PPP1R9A: variants seen among roughly 807,000 people sequenced by gnomAD.
The protein encoded by PPP1R9A is protein phosphatase 1 regulatory subunit 9A.
A neutral mutation model predicts 141.9 loss-of-function variants in PPP1R9A; 59 were observed. The ratio of observed to expected loss-of-function variants is 0.42; its 90% CI spans 0.34 to 0.52. The LOEUF (loss-of-function observed/expected upper bound fraction) is 0.52. Among genes scored for constraint, PPP1R9A ranks in the 20% least tolerant of loss-of-function variants. PPP1R9A has a pLI of 0.10. For missense variants in PPP1R9A, 1,444 were observed against 1,611.9 expected, an observed-to-expected ratio of 0.90 and a Z score of 1.78; for synonymous variants, 500 against 569.7, an observed-to-expected ratio of 0.88 and a Z score of 1.74.
In PPP1R9A at chr7:95,219,962, A is replaced by G. The variant is rs184352673; in HGVS notation, c.1957-5999A>G. Among the ~76,000 whole-genome samples, 5 of 152,266 alleles carry G rather than the reference A, an allele frequency of 3.3e-5. No individual in the cohort carries two copies. In the East Asian group the frequency reaches 9.7e-4, roughly 29 times the overall value. ...TGAAAACAATCATAATCATAACGTC[A>G]TGCAGTCAGTTAGCATATTCTAGGC... On this transcript the variant is annotated intron_variant, in intron 7 of 19. Coordinates refer to ENST00000433360, the MANE Select transcript of PPP1R9A (RefSeq NM_001166160.2).
chr7:95,150,721 A>G (rs1828512011), intron 4 of PPP1R9A, among the ~76,000 whole-genome samples: 2 of 152,232 alleles, frequency 1.3e-5, no homozygotes, highest in East Asian at 3.8e-4. Flanking sequence ...ACGGAATGAG[A>G]AGAGAAGCTA....
At position 94,910,063 on chromosome 7, in the gene PPP1R9A, GT is replaced by G. The variant is rs748440888; in HGVS notation, c.-44del. ...GAGAAGAGAGGTATCTTGGTTTTTG[GT>G]TTTTTTCTTTGATCATTATGAACAT... On this transcript the variant is annotated 5_prime_UTR_variant, in exon 2 of 20. Coordinates refer to ENST00000433360, the MANE Select transcript of PPP1R9A (RefSeq NM_001166160.2). This position sits in a 1 kb window ranked among gnomAD's most constrained non-coding sequence, Gnocchi z 4.5. 3 of 1,524,200 alleles carry G rather than the reference GT, an allele frequency of 2.0e-6. No homozygotes were observed. Among genetic ancestry groups the G allele is most frequent in the East Asian group, 2.3e-5 (1 of 44,342 alleles). 94.4% of individuals were successfully genotyped at this position (1,524,200 alleles called of 1,614,324 possible). A position where few individuals can be genotyped will look rare whatever the true frequency, so the allele number is the denominator to read the frequency against.
At chr7:95,023,148 G>A (rs939880573) in intron 2 of PPP1R9A, among the ~76,000 whole-genome samples, 2 of 152,086 alleles carry the variant, frequency 1.3e-5, no homozygotes, top group African/African-American at 2.4e-5. Context: ...TACTGCCTCA[G>A]TTTTAGAACT....
intron 3 of PPP1R9A, 69 bp from the exon 4 acceptor site, chr7:95,120,643 C>A (rs1240566892): frequency 6.2e-5 from 94 of 1,518,316 alleles, no homozygotes; most frequent in Non-Finnish European, 6.2e-5. Context: ...AAGTAGGTCT[C>A]ACCAGCTAAT....
At chr7:95,158,432 A>G (rs1829967527) in intron 4 of PPP1R9A, among the ~76,000 whole-genome samples, 1 of 152,166 alleles carries the variant, frequency 6.6e-6, no homozygotes, top group African/African-American at 2.4e-5. Context: ...AGGCAGGAGG[A>G]TCACTTGAGA....
chr7:94,984,744 A>G (rs1403726570), intron 2 of PPP1R9A, among the ~76,000 whole-genome samples: 1 of 151,852 alleles, frequency 6.6e-6, no homozygotes, highest in Non-Finnish European at 1.5e-5. Flanking sequence ...TAGTCTTGGT[A>G]GTGGTCTATC....
At chr7:95,093,103 G>A (rs750700808) in intron 2 of PPP1R9A, among the ~76,000 whole-genome samples, 7 of 152,130 alleles carry the variant, frequency 4.6e-5, no homozygotes, top group Non-Finnish European at 8.8e-5. Context: ...TTATACATGG[G>A]ATGATGTTTT....
chr7:94,950,043 T>G (rs770430478), intron 2 of PPP1R9A, among the ~76,000 whole-genome samples: 7 of 151,912 alleles, frequency 4.6e-5, no homozygotes, highest in Non-Finnish European at 8.8e-5. Context: ...CCAAAAACAC[T>G]TTGTCTAGGT....
intron 2 of PPP1R9A, among the ~76,000 whole-genome samples, chr7:94,937,617 G>T (rs564030643): frequency 6.6e-6 from 1 of 152,088 alleles, no homozygotes; most frequent in African/African-American, 2.4e-5. Flanking sequence ...TTACACAGGC[G>T]TAGTTTCTTA....
intron 2 of PPP1R9A, among the ~76,000 whole-genome samples, chr7:95,088,497 TCACACCCG>T (rs1405966408): frequency 6.6e-6 from 1 of 151,890 alleles, no homozygotes; most frequent in Non-Finnish European, 1.5e-5. Flanking sequence ...AGAGGAAAAA[TCACACCCG>T]TGATTGCAAA....
At chr7:95,218,414 C>T (rs996220516) in intron 7 of PPP1R9A, among the ~76,000 whole-genome samples, 10 of 152,088 alleles carry the variant, frequency 6.6e-5, no homozygotes, top group East Asian at 3.9e-4. Flanking sequence ...GGAATAAGTG[C>T]GATGTGGTGC....
At chr7:95,246,316 C>T (rs1364571747) in intron 8 of PPP1R9A, among the ~76,000 whole-genome samples, 1 of 152,190 alleles carries the variant, frequency 6.6e-6, no homozygotes, top group Non-Finnish European at 1.5e-5. Flanking sequence ...GTCAGACTCA[C>T]TCACTTCTGA....
chr7:95,061,551 C>T (rs776935091), intron 2 of PPP1R9A, among the ~76,000 whole-genome samples: 10 of 151,956 alleles, frequency 6.6e-5, no homozygotes, highest in African/African-American at 1.9e-4. Flanking sequence ...GGCTGGGCAA[C>T]GTAGGGAGAC....
chr7:94,967,919 A>G (rs957882592), intron 2 of PPP1R9A, among the ~76,000 whole-genome samples: 2 of 152,158 alleles, frequency 1.3e-5, no homozygotes, highest in African/African-American at 4.8e-5. Context: ...GTAGATGCCT[A>G]TTAGGTCAAC....
At chr7:95,148,713 A>G (rs560408246) in intron 4 of PPP1R9A, among the ~76,000 whole-genome samples, 8 of 151,668 alleles carry the variant, frequency 5.3e-5, no homozygotes, top group African/African-American at 1.7e-4. Flanking sequence ...AAAATTAACA[A>G]CCTTCAAAAA....
intron 14 of PPP1R9A, among the ~76,000 whole-genome samples, chr7:95,272,866 A>C (rs1300526715): frequency 2.0e-5 from 3 of 152,248 alleles, no homozygotes; most frequent in Non-Finnish European, 4.4e-5. Flanking sequence ...ACATTTTAAA[A>C]GATAAGAGAC....
At chr7:95,022,193 T>C (rs1806072146) in intron 2 of PPP1R9A, among the ~76,000 whole-genome samples, 1 of 152,158 alleles carries the variant, frequency 6.6e-6, no homozygotes, top group Non-Finnish European at 1.5e-5. Flanking sequence ...TCACATCCCT[T>C]GTAAGTTATA....
chr7:95,063,393 A>G (rs1812514742), intron 2 of PPP1R9A, among the ~76,000 whole-genome samples: 2 of 152,052 alleles, frequency 1.3e-5, no homozygotes, highest in African/African-American at 4.8e-5. Flanking sequence ...GTTAGACCCC[A>G]TCTCTACAAA....
intron 4 of PPP1R9A, among the ~76,000 whole-genome samples, chr7:95,160,511 T>C (rs556891642): frequency 6.6e-6 from 1 of 152,206 alleles, no homozygotes; most frequent in Non-Finnish European, 1.5e-5. Context: ...ACAGTCTTTA[T>C]TTTTATTTTT....
Sources: allele counts gnomAD v4.1 joint callset (sites outside exome capture counted in the v4.1 genomes callset), GRCh38; gene constraint gnomAD v4.1.1; non-coding constraint Gnocchi (gnomAD v3.1); transcripts MANE v1.5; gene names NCBI Gene and HGNC (gene_info 2026-07-23, HGNC 2026-07-21).